MEIG1: variants seen among roughly 807,000 people sequenced by gnomAD.
MEIG1 encodes the protein meiosis/spermiogenesis associated 1.
Under a neutral mutation model 11.3 loss-of-function variants are expected in MEIG1, and 12 were observed. The observed-to-expected ratio is 1.07, with a 90% CI of 0.68 to 1.73. The LOEUF is 1.73. Among genes scored for constraint, MEIG1 ranks in the 40% most tolerant of loss-of-function variants. MEIG1 has a pLI of 0.00. For synonymous variants in MEIG1, 41 were observed against 33.2 expected (o/e 1.24, Z -0.81); for missense variants, 119 against 104.9 (o/e 1.13, Z -0.59).
At chr10:14,980,855 A>C (rs1407093854) in intron 1 of MEIG1, among the ~76,000 whole-genome samples, 1 of 152,130 alleles carries the variant, frequency 6.6e-6, no homozygotes, top group Non-Finnish European at 1.5e-5. Flanking sequence ...TAGGAAAGAA[A>C]GCGTCTTTCA....
chr10:14,966,063 ATTC>A (rs1843079391), intron 1 of MEIG1, among the ~76,000 whole-genome samples: 1 of 58,096 alleles, frequency 1.7e-5, no homozygotes, highest in Admixed American at 2.1e-4. Context: ...AGTTTTATTT[ATTC>A]TTTTTTTTTT....
chr10:14,958,623 G>C (rs1436301572), upstream of MEIG1, among the ~76,000 whole-genome samples: 1 of 152,182 alleles, frequency 6.6e-6, no homozygotes, highest in African/African-American at 2.4e-5. Flanking sequence ...TTGGCCGGGC[G>C]CGGTGGCTCA....
rs1843086826 is a variant in MEIG1 at position 14,966,571 on chromosome 10, G to A, written c.103G>A (p.Glu35Lys). 2 of 1,612,078 alleles carry A rather than the reference G, an allele frequency of 1.2e-6. No individual in the cohort carries two copies. Among genetic ancestry groups the A allele is most frequent in the South Asian group, 1.1e-5 (1 of 90,458 alleles). Residue 35 changes from glutamate to lysine, a missense_variant, in exon 2 of 3, where the codon GAA (glutamate) becomes AAA (lysine). Physicochemically the swap from Glu to Lys is moderately conservative, Grantham distance 56. Transcript: ENST00000407572. ...ATTTCAACAAGCAGGATATCGGGATGAAACCGAATATAGACAAGTGAAACA... is the reference window on the plus strand; with the variant it reads ...ATTTCAACAAGCAGGATATCGGGATAAAACCGAATATAGACAAGTGAAACA... ...YRFQQAGYRD[E>K]TEYRQVKQVS...
chr10:14,981,131 T>G (rs1290900586), intron 1 of MEIG1, among the ~76,000 whole-genome samples: 3 of 151,986 alleles, frequency 2.0e-5, no homozygotes, highest in African/African-American at 7.2e-5. Context: ...CCGGGTCCTG[T>G]TTTTGCCTAA....
intron 1 of MEIG1, among the ~76,000 whole-genome samples, chr10:14,960,487 C>G (rs1842999794): frequency 6.6e-6 from 1 of 151,936 alleles, no homozygotes; most frequent in Non-Finnish European, 1.5e-5. Flanking sequence ...GGCGGGATCT[C>G]GGCTCACTGC....
chr10:14,962,007 G>A lies in MEIG1; in HGVS notation c.-30+2450G>A, dbSNP rs569757499. The stretch of plus-strand genomic sequence containing the variant: ...TTTTGTAGAGATAGGGTCTCACTAC[G>A]TTGCCCAGGCTGGTCTTGAACTCGG... On this transcript the variant is annotated intron_variant, in intron 1 of 2. Coordinates refer to ENST00000407572, the MANE Select transcript of MEIG1 (RefSeq NM_001080836.3). Among the ~76,000 whole-genome samples, 7 of 152,020 alleles carry A rather than the reference G, an allele frequency of 4.6e-5. No individual in the cohort carries two copies. In the East Asian group the frequency reaches 9.7e-4, roughly 21 times the overall value.
chr10:14,983,530 C>G lies in MEIG1; in HGVS notation n.67-3266C>G, dbSNP rs185766566. Among the ~76,000 whole-genome samples the G allele has an allele frequency of 1.7e-3, 255 of 152,046 alleles. 2 individuals are homozygous for G. The highest frequency in any genetic ancestry group is 3.1e-4 in the Non-Finnish European group (21 of 67,974). On this transcript the variant is annotated intron_variant and non_coding_transcript_variant, in intron 1 of 2. Coordinates refer to the MEIG1 transcript ENST00000467536. The stretch of plus-strand genomic sequence containing the variant: ...GAGAGGCTGATATGACTCCCAATAT[C>G]GCAGGGGGTGTACATCCAGTCTGTG...
At chr10:14,984,204 G>C (rs112317344) in intron 1 of MEIG1, among the ~76,000 whole-genome samples, 5 of 150,484 alleles carry the variant, frequency 3.3e-5, no homozygotes, top group African/African-American at 1.2e-4. Flanking sequence ...TCCCCGCATC[G>C]TGGGGGGAGC....
intron 2 of MEIG1, among the ~76,000 whole-genome samples, chr10:14,968,151 T>A (rs548149107): frequency 6.0e-4 from 91 of 152,344 alleles, no homozygotes; most frequent in Non-Finnish European, 1.1e-3. Flanking sequence ...CTCTTCTTTT[T>A]CTTTTATTCT....
At chr10:14,964,407 T>A (rs1843052588) in intron 1 of MEIG1, among the ~76,000 whole-genome samples, 1 of 151,888 alleles carries the variant, frequency 6.6e-6, no homozygotes, top group South Asian at 2.1e-4. Context: ...ATTTATGTCT[T>A]GTAAAAGCAT....
downstream of MEIG1, among the ~76,000 whole-genome samples, chr10:14,974,135 G>C (rs4559581): frequency 0.66 from 100,802 of 151,692 alleles, 33,680 homozygotes; most frequent in Admixed American, 0.69. Flanking sequence ...TTCCCTGTCT[G>C]GGTTTAGCCT....
At position 14,966,066 on chromosome 10, in the gene MEIG1, CT is replaced by C. The variant is rs10673663; in HGVS notation, c.-29-359del. ...TTTTTAAGTGTTAGTTTTATTTATT[CT>C]TTTTTTTTTTTTTTGAGATGGAGTC... On this transcript the variant is annotated intron_variant, in intron 1 of 2. Transcript: ENST00000407572. Among the ~76,000 whole-genome samples the C allele has an allele frequency of 1.2e-3, 141 of 118,696 alleles. 3 individuals carry two copies. The highest frequency in any genetic ancestry group is 2.2e-3 in the African/African-American group (68 of 31,222). 77.9% of individuals were successfully genotyped at this position (118,696 alleles called of 152,430 possible).
At chr10:14,958,296 A>G (rs1842971868), upstream of MEIG1, among the ~76,000 whole-genome samples, 1 of 152,236 alleles carries the variant, frequency 6.6e-6, no homozygotes, top group East Asian at 1.9e-4. Context: ...GGGAGTTGTA[A>G]GTAAATAGTT....
At chr10:14,986,694 C>A in intron 1 of MEIG1, 1 of 288,318 alleles carries the variant, frequency 3.5e-6, no homozygotes, top group South Asian at 3.4e-5. Flanking sequence ...ACTGCAAGCT[C>A]CGCCTCCTGA....
At chr10:14,960,042 G>C (rs1214403825) in intron 1 of MEIG1, among the ~76,000 whole-genome samples, 1 of 152,212 alleles carries the variant, frequency 6.6e-6, no homozygotes, top group Non-Finnish European at 1.5e-5. Context: ...GGACCGCCGG[G>C]CGTGCTTTCG....
At chr10:14,976,026 C>G (rs1189253797), downstream of MEIG1, among the ~76,000 whole-genome samples, 3 of 152,268 alleles carry the variant, frequency 2.0e-5, no homozygotes, top group South Asian at 4.1e-4. Flanking sequence ...CTGTGACCAC[C>G]GTGGATCCTA....
intron 1 of MEIG1, among the ~76,000 whole-genome samples, chr10:14,978,426 G>T (rs763231471): frequency 6.6e-6 from 1 of 151,892 alleles, no homozygotes; most frequent in Non-Finnish European, 1.5e-5. Context: ...AACCAAAGGC[G>T]TGTGTTCCCC....
At chr10:14,970,667 T>C (rs1009939207) in intron 2 of MEIG1, 3 of 152,254 alleles carry the variant, frequency 2.0e-5, no homozygotes, top group African/African-American at 4.8e-5. Context: ...TTCTCGCTAA[T>C]TCATAAGTAA....
downstream of MEIG1, among the ~76,000 whole-genome samples, chr10:14,973,246 A>T (rs1163217073): frequency 6.6e-6 from 1 of 152,126 alleles, no homozygotes; most frequent in Non-Finnish European, 1.5e-5. Context: ...TAGACTAGTG[A>T]CATATTTTCT....
Sources: allele counts gnomAD v4.1 joint callset (sites outside exome capture counted in the v4.1 genomes callset), GRCh38; gene constraint gnomAD v4.1.1; transcripts MANE v1.5; gene names NCBI Gene and HGNC (gene_info 2026-07-23, HGNC 2026-07-21).